ZNF385D: variants seen among roughly 807,000 people sequenced by gnomAD.
The protein encoded by ZNF385D is zinc finger protein 659.
ZNF385D carries 15 observed loss-of-function variants against 35.8 expected under a neutral mutation model. The observed-to-expected ratio is 0.42, with a 90% CI of 0.28 to 0.64. ZNF385D has a LOEUF of 0.64. ZNF385D is among the 30% of genes least tolerant of loss of function. The pLI, the probability that ZNF385D is intolerant of heterozygous loss-of-function variation, is 0.23. For missense variants in ZNF385D, 474 were observed against 494.6 expected (o/e 0.96, Z 0.39); for synonymous variants, 212 against 186.8 (o/e 1.13, Z -1.10).
chr3:21,971,695 C>T (rs182036414), intron 3 of ZNF385D, among the ~76,000 whole-genome samples: 16 of 151,328 alleles, frequency 1.1e-4, no homozygotes, highest in African/African-American at 3.4e-4. Flanking sequence ...AAAAAAAGAC[C>T]CAGTGACCTG....
intron 3 of ZNF385D, among the ~76,000 whole-genome samples, chr3:21,941,807 C>CTTTTA (rs5847153): frequency 0.26 from 39,455 of 151,734 alleles, 5,803 homozygotes; most frequent in Admixed American, 0.41. Context: ...TCTTTAATTT[C>CTTTTA]TGTGTTATGG....
At chr3:22,304,990 G>C (rs566761667) in intron 2 of ZNF385D, among the ~76,000 whole-genome samples, 2 of 151,876 alleles carry the variant, frequency 1.3e-5, no homozygotes, top group Non-Finnish European at 2.9e-5. Flanking sequence ...TGTCAATTTT[G>C]CTTTTTATTA....
At chr3:21,853,110 A>G (rs1407032328) in intron 3 of ZNF385D, among the ~76,000 whole-genome samples, 2 of 151,762 alleles carry the variant, frequency 1.3e-5, no homozygotes, top group African/African-American at 2.4e-5. Flanking sequence ...GTGTGATCAA[A>G]CTAAACATAT....
intron 2 of ZNF385D, among the ~76,000 whole-genome samples, chr3:22,238,370 G>A (rs1193334785): frequency 6.6e-6 from 1 of 151,042 alleles, no homozygotes. Flanking sequence ...GACTTTGATA[G>A]AGATTGCTTT....
chr3:22,318,503 TA>T (rs1465019709), intron 2 of ZNF385D, among the ~76,000 whole-genome samples: 1 of 152,128 alleles, frequency 6.6e-6, no homozygotes, highest in Non-Finnish European at 1.5e-5. Flanking sequence ...AACTAGGAGA[TA>T]AATTAAATTT....
At chr3:21,823,846 T>C (rs1247384035) in intron 3 of ZNF385D, among the ~76,000 whole-genome samples, 3 of 152,172 alleles carry the variant, frequency 2.0e-5, no homozygotes, top group African/African-American at 7.2e-5. Context: ...CCTGTATAAC[T>C]CCCAAGGAGT....
intron 3 of ZNF385D, among the ~76,000 whole-genome samples, chr3:22,075,966 C>T (rs1263270617): frequency 6.6e-6 from 1 of 151,818 alleles, no homozygotes; most frequent in Admixed American, 6.6e-5. Flanking sequence ...TCTTTAATTC[C>T]CCATGCCCAA....
chr3:21,821,691 G>C (rs537580482), intron 3 of ZNF385D, among the ~76,000 whole-genome samples: 1 of 152,256 alleles, frequency 6.6e-6, no homozygotes, highest in South Asian at 2.1e-4. Flanking sequence ...GGCTAGGTGT[G>C]GTGGCTCGCG....
At chr3:22,106,410 C>G (rs1014981655) in intron 3 of ZNF385D, among the ~76,000 whole-genome samples, 1 of 151,562 alleles carries the variant, frequency 6.6e-6, no homozygotes. Flanking sequence ...ACAAAAAAAT[C>G]TTACATTTTC....
At chr3:21,620,861 T>A (rs1265610343) in intron 2 of ZNF385D, among the ~76,000 whole-genome samples, 1 of 152,152 alleles carries the variant, frequency 6.6e-6, no homozygotes, top group Non-Finnish European at 1.5e-5. Flanking sequence ...AAGCTACACA[T>A]GCAAACCACT....
chr3:21,573,665 A>G (rs1228843538), intron 2 of ZNF385D, among the ~76,000 whole-genome samples: 1 of 152,238 alleles, frequency 6.6e-6, no homozygotes, highest in Non-Finnish European at 1.5e-5. Flanking sequence ...AAAACAAAAT[A>G]GAGAAGAATA....
chr3:22,164,522 C>T (rs896555711), intron 3 of ZNF385D, among the ~76,000 whole-genome samples: 34 of 151,508 alleles, frequency 2.2e-4, no homozygotes, highest in Admixed American at 5.9e-4. Context: ...CCACCATACC[C>T]GGCCAAAAGG....
intron 3 of ZNF385D, among the ~76,000 whole-genome samples, chr3:22,006,156 C>T (rs2125425187): frequency 6.6e-6 from 1 of 152,160 alleles, no homozygotes; most frequent in African/African-American, 2.4e-5. Context: ...TTTTTAAAAA[C>T]AGAGGCAAAA....
intron 3 of ZNF385D, among the ~76,000 whole-genome samples, chr3:21,957,443 G>C (rs575274965): frequency 6.6e-6 from 1 of 152,200 alleles, no homozygotes; most frequent in East Asian, 1.9e-4. Flanking sequence ...GAATGGCTTT[G>C]ACTAAAAGCC....
intron 3 of ZNF385D, among the ~76,000 whole-genome samples, chr3:22,030,299 A>ATATATC (rs1553591392): frequency 4.4e-5 from 5 of 114,734 alleles, no homozygotes; most frequent in South Asian, 2.9e-4. Flanking sequence ...ATATATATAT[A>ATATATC]TATCCTATTT....
rs573813289 is a variant in ZNF385D at position 21,805,143 on chromosome 3, T to C, written c.326-140115A>G. On this transcript the variant is annotated intron_variant, in intron 3 of 5. Transcript: ENST00000494108. ...CTGGGACCATCTCCTCCCATTTGTA[T>C]GAATGGTGTGAGAAAACAGTACTAG... 7.2e-5 allele frequency among the ~76,000 whole-genome samples: 11 copies of C among 152,318 alleles called. No individual in the cohort carries two copies. The South Asian group carries it at 2.1e-3, about 29-fold the overall frequency.
At chr3:22,048,608 C>G (rs543874109) in intron 3 of ZNF385D, among the ~76,000 whole-genome samples, 1 of 152,228 alleles carries the variant, frequency 6.6e-6, no homozygotes, top group South Asian at 2.1e-4. Context: ...GCCTATGTGT[C>G]TGTTTTTGTA....
intron 2 of ZNF385D, among the ~76,000 whole-genome samples, chr3:22,371,562 G>T (rs1441490301): frequency 3.3e-5 from 5 of 152,196 alleles, no homozygotes; most frequent in Admixed American, 3.3e-4. Flanking sequence ...AAGCCTGATT[G>T]TAAGGGGGAC....
chr3:21,942,216 C>T (rs610316), intron 3 of ZNF385D, among the ~76,000 whole-genome samples: 39,581 of 152,032 alleles, frequency 0.26, 5,837 homozygotes, highest in Admixed American at 0.41. Flanking sequence ...ATCATACCCA[C>T]TTGTTATTCA....
Sources: allele counts gnomAD v4.1 joint callset (sites outside exome capture counted in the v4.1 genomes callset), GRCh38; gene constraint gnomAD v4.1.1; transcripts MANE v1.5; gene names NCBI Gene and HGNC (gene_info 2026-07-23, HGNC 2026-07-21).